RB1CC1: variants seen among roughly 807,000 people sequenced by gnomAD.
RB1CC1 encodes RB1 inducible coiled-coil 1, also known as RB1-inducible coiled-coil protein 1.
RB1CC1 carries 46 observed loss-of-function variants against 177.5 expected under a neutral mutation model. That is an observed-to-expected ratio of 0.26 (90% CI 0.20 to 0.33). RB1CC1 has a LOEUF of 0.33. Ranked by LOEUF, RB1CC1 falls within the 10% of genes least tolerant of loss-of-function variation. The probability of loss-of-function intolerance (pLI) is 1.00; values close to 1 mark genes in which losing one functional copy is unlikely to be tolerated. For missense variants in RB1CC1, 1,703 were observed against 1,816.3 expected, an observed-to-expected ratio of 0.94 and a Z score of 1.13; for synonymous variants, 666 against 613.6, an observed-to-expected ratio of 1.09 and a Z score of -1.26.
At chr8:52,649,024 A>C (rs1381510012) in intron 15 of RB1CC1, among the ~76,000 whole-genome samples, 1 of 152,184 alleles carries the variant, frequency 6.6e-6, no homozygotes, top group Non-Finnish European at 1.5e-5. Flanking sequence ...AAATCATGCT[A>C]CTCAAAACAG....
intron 18 of RB1CC1, among the ~76,000 whole-genome samples, chr8:52,636,856 C>T (rs10089846): frequency 0.76 from 116,058 of 152,158 alleles, 45,326 homozygotes; most frequent in African/African-American, 0.94. Flanking sequence ...ATTTCCTTCA[C>T]GGAACCGTCT....
intron 15 of RB1CC1, among the ~76,000 whole-genome samples, chr8:52,648,078 C>G (rs1418677573): frequency 2.0e-5 from 3 of 152,026 alleles, no homozygotes; most frequent in Non-Finnish European, 4.4e-5. Flanking sequence ...AATACAGGGA[C>G]AAGAGGACAC....
In RB1CC1 at chr8:52,656,281, A is replaced by G; in HGVS notation, c.3548T>C (p.Leu1183Ser). ...TTCAAGAGCACTCAATTCTGAATCC[A>G]ATTTACTCTGCAGTTCAATTATTTG... is the stretch of plus-strand genomic sequence containing the variant. ...KEQIIELQSKLDSELSALERQ... is the reference protein window; with the variant it reads ...KEQIIELQSKSDSELSALERQ... The change falls in exon 15 of 24, where the codon TTG becomes TCG. Residue 1183 changes from leucine (L) to serine (S), a missense_variant. Physicochemically the swap from Leu to Ser is moderately radical, Grantham distance 145. Around this residue, in one of 6 missense-constraint regions of RB1CC1, gnomAD observed 1,169 missense variants for 1,184.7 expected, o/e 0.99. Transcript: ENST00000025008. 1.2e-6 allele frequency: 2 copies of G among 1,613,286 alleles called. No homozygotes were observed. Among genetic ancestry groups the G allele is most frequent in the South Asian group, 1.1e-5 (1 of 91,022 alleles).
At chr8:52,696,340 C>T (rs1247821624) in intron 1 of RB1CC1, among the ~76,000 whole-genome samples, 1 of 152,190 alleles carries the variant, frequency 6.6e-6, no homozygotes, top group East Asian at 1.9e-4. Context: ...CCACGCCCGG[C>T]CTACTTTGGT....
intron 5 of RB1CC1, among the ~76,000 whole-genome samples, chr8:52,676,951 G>A (rs761170126): frequency 1.1e-4 from 17 of 152,136 alleles, no homozygotes; most frequent in African/African-American, 3.4e-4. Flanking sequence ...GCTAAAATAC[G>A]TCATCTACTT....
rs2150448788 is a variant in RB1CC1, at chr8:52,651,781, AT to A, written c.3821+4226del. On this transcript the variant is annotated intron_variant, in intron 15 of 23. Transcript: ENST00000025008. Reference sequence around the variant, plus strand: ...TAGTAAAAACTACTAGCTCTAAAATATGTTAACATTTGGAAGATCTGCATTA... The same window carrying A: ...TAGTAAAAACTACTAGCTCTAAAATAGTTAACATTTGGAAGATCTGCATTA... Among the ~76,000 whole-genome samples the A allele has an allele frequency of 2.0e-5, 3 of 152,342 alleles. No individual in the cohort carries two copies. The South Asian group carries it at 6.2e-4, about 32-fold the overall frequency.
At chr8:52,709,783 TATG>T (rs1321973430) in intron 1 of RB1CC1, among the ~76,000 whole-genome samples, 1 of 152,210 alleles carries the variant, frequency 6.6e-6, no homozygotes, top group Non-Finnish European at 1.5e-5. Context: ...CGCTTCCTTA[TATG>T]ATAAGGTGAA....
intron 15 of RB1CC1, among the ~76,000 whole-genome samples, chr8:52,649,572 G>A (rs1475333827): frequency 6.6e-6 from 1 of 152,176 alleles, no homozygotes. Flanking sequence ...GGAGGCAGAG[G>A]TGGCAGTAAG....
intron 1 of RB1CC1, among the ~76,000 whole-genome samples, chr8:52,692,024 CATT>C (rs1420782147): frequency 6.6e-6 from 1 of 152,180 alleles, no homozygotes; most frequent in East Asian, 1.9e-4. Flanking sequence ...ACATTCATAT[CATT>C]AGGGTTTCCA....
In RB1CC1 at chr8:52,683,575, C is replaced by T; in HGVS notation, c.343G>A (p.Val115Ile). ...SLMMPAVFHTVASRTQLALEM... is the reference protein window; with the variant it reads ...SLMMPAVFHTIASRTQLALEM... ...AATGCAAGCTGTGTCCTTGAAGCAA[C>T]AGTATGAAAAACTGCAGGCATCATA... is the stretch of plus-strand genomic sequence containing the variant. Residue 115 changes from valine (V) to isoleucine (I), a missense_variant, in exon 5 of 24, where the codon GTT becomes ATT. By Grantham distance (29) the Val-to-Ile change is conservative. Around this residue, in one of 6 missense-constraint regions of RB1CC1, gnomAD observed 11 missense variants for 29.1 expected, o/e 0.38. Coordinates refer to ENST00000025008, the MANE Select transcript of RB1CC1 (RefSeq NM_014781.5). The T allele has an allele frequency of 6.3e-7, 1 of 1,594,010 alleles. No individual in the cohort carries two copies. Among genetic ancestry groups the T allele is most frequent in the Non-Finnish European group, 8.5e-7 (1 of 1,173,244 alleles).
intron 5 of RB1CC1, among the ~76,000 whole-genome samples, chr8:52,677,428 G>A (rs1186190626): frequency 2.0e-5 from 3 of 152,146 alleles, no homozygotes; most frequent in African/African-American, 7.2e-5. Flanking sequence ...AAAAGCGAGA[G>A]AAAGAGGGCC....
At chr8:52,703,689 G>C (rs1196440250) in intron 1 of RB1CC1, among the ~76,000 whole-genome samples, 3 of 152,164 alleles carry the variant, frequency 2.0e-5, no homozygotes, top group African/African-American at 7.2e-5. Flanking sequence ...TTGGTATTCA[G>C]AACATAAATA....
chr8:52,664,454 AAAGAT>A (rs1851891276), intron 8 of RB1CC1, among the ~76,000 whole-genome samples: 1 of 152,212 alleles, frequency 6.6e-6, no homozygotes, highest in Non-Finnish European at 1.5e-5. Context: ...CGAAGAAAGA[AAAGAT>A]ATTTTCTAAA....
chr8:52,668,472 G>C (rs1316835691), intron 7 of RB1CC1, among the ~76,000 whole-genome samples: 1 of 152,122 alleles, frequency 6.6e-6, no homozygotes, highest in Non-Finnish European at 1.5e-5. Flanking sequence ...ATATCTCTCA[G>C]AAAAAGGTAT....
chr8:52,640,254 AGAG>A (rs1563360423), intron 18 of RB1CC1, among the ~76,000 whole-genome samples: 1 of 152,196 alleles, frequency 6.6e-6, no homozygotes, highest in African/African-American at 2.4e-5. Flanking sequence ...GGGAGAGTAC[AGAG>A]GAGAGGAGAT....
chr8:52,642,483 T>G lies in RB1CC1; in HGVS notation c.4205A>C (p.Tyr1402Ser), dbSNP rs762768819. 1 of 1,614,074 alleles carries G rather than the reference T, an allele frequency of 6.2e-7. No homozygotes were observed. Among genetic ancestry groups the G allele is most frequent in the South Asian group, 1.1e-5 (1 of 91,084 alleles). Residue 1402 changes from tyrosine (Y) to serine (S), a missense_variant, in exon 18 of 24, where the codon TAT becomes TCT. Around this residue, in one of 6 missense-constraint regions of RB1CC1, gnomAD observed 1,169 missense variants for 1,184.7 expected, o/e 0.99. Transcript: ENST00000025008. ...LRSSSFVPSP[Y>S]VATAPELYGA... is the part of the protein sequence containing the mutation. ...ATAAAGTTCTGGGGCTGTAGCTACA[T>G]ATGGTGAAGGAACAAAACTGCTACT...
intron 12 of RB1CC1, among the ~76,000 whole-genome samples, chr8:52,659,723 C>T (rs751003113): frequency 6.6e-6 from 1 of 152,184 alleles, no homozygotes. Flanking sequence ...CATGGCTGGG[C>T]GTGGTGGCTC....
chr8:52,693,518 T>C (rs1855094291), intron 1 of RB1CC1, among the ~76,000 whole-genome samples: 1 of 152,182 alleles, frequency 6.6e-6, no homozygotes. Flanking sequence ...CATAATGATA[T>C]ATCATCTTAC....
chr8:52,650,159 ATGCCGGAC>A (rs1850439587), intron 15 of RB1CC1, among the ~76,000 whole-genome samples: 1 of 152,352 alleles, frequency 6.6e-6, no homozygotes, highest in South Asian at 2.1e-4. Context: ...AAAGGGAAAT[ATGCCGGAC>A]TGTGTGTCCT....
Sources: gnomAD v4.1 joint callset for allele counts (sites outside exome capture counted in the v4.1 genomes callset) on GRCh38, gnomAD v4.1.1 for gene constraint, gnomAD v4.1.1 regional missense constraint, MANE v1.5 for transcripts, NCBI Gene and HGNC (gene_info 2026-07-23, HGNC 2026-07-21) for gene names.